PLXNC1: variants seen among roughly 807,000 people sequenced by gnomAD.
The protein encoded by PLXNC1 is plexin C1.
Under a neutral mutation model 178.2 loss-of-function variants are expected in PLXNC1, and 75 were observed. The observed-to-expected ratio is 0.42, with a 90% CI of 0.35 to 0.51. The LOEUF (loss-of-function observed/expected upper bound fraction) is 0.51. PLXNC1 is among the 20% of genes least tolerant of loss of function. The pLI, the probability that PLXNC1 is intolerant of heterozygous loss-of-function variation, is 0.02. For missense variants in PLXNC1, 1,503 were observed against 1,984.4 expected (o/e 0.76, Z 4.61); for synonymous variants, 790 against 779.9 (o/e 1.01, Z -0.22).
Position 94,282,339 on chromosome 12 carries a change from G to A in PLXNC1, c.3817G>A (p.Asp1273Asn), listed in dbSNP as rs940056690. 3.7e-6 allele frequency: 6 copies of A among 1,613,880 alleles called. No homozygotes were observed. The highest frequency in any genetic ancestry group is 2.7e-5 in the African/African-American group (2 of 74,904). Reference sequence around the variant, plus strand: ...ACGACAGAAAGAACTTCTGGACATCGACAGTTCCTCCGTGATTCTTGAAGA... The same window carrying A: ...ACGACAGAAAGAACTTCTGGACATCAACAGTTCCTCCGTGATTCTTGAAGA... ...GTRQKELLDIDSSSVILEDGI... is the reference protein window; with the variant it reads ...GTRQKELLDINSSSVILEDGI... The change falls in exon 23 of 31, where the codon GAC (aspartate) becomes AAC (asparagine). Residue 1273 changes from aspartate (D) to asparagine (N), a missense_variant. By Grantham distance (23) the Asp-to-Asn change is conservative. This residue lies in a region of PLXNC1 where 639 missense variants were observed against 979.7 expected (regional missense o/e 0.65). Transcript: ENST00000258526.
chr12:94,285,734 G>C (rs1035281365), intron 23 of PLXNC1, among the ~76,000 whole-genome samples: 1 of 152,146 alleles, frequency 6.6e-6, no homozygotes, highest in Admixed American at 6.5e-5. Flanking sequence ...GCTTATCATG[G>C]CATCAGTTCA....
chr12:94,241,722 C>G (rs1401841731), intron 11 of PLXNC1, among the ~76,000 whole-genome samples: 2 of 152,110 alleles, frequency 1.3e-5, no homozygotes, highest in Non-Finnish European at 2.9e-5. Context: ...GAATAATACT[C>G]CATTGTGTAT....
chr12:94,154,175 T>A (rs968328228), intron 1 of PLXNC1, among the ~76,000 whole-genome samples: 2 of 152,250 alleles, frequency 1.3e-5, no homozygotes, highest in African/African-American at 4.8e-5. Flanking sequence ...TTATTTTCTG[T>A]TGATTCTCAT....
chr12:94,181,412 A>T, intron 2 of PLXNC1, 34 bp from the exon 3 acceptor site: 92 of 1,218,872 alleles, frequency 7.5e-5, no homozygotes, highest in Non-Finnish European at 9.8e-5. Flanking sequence ...TATTAAATAG[A>T]AATCATGTTT....
intron 21 of PLXNC1, chr12:94,277,218 G>C (rs1355710491): frequency 6.6e-6 from 1 of 152,148 alleles, no homozygotes; most frequent in African/African-American, 2.4e-5. Flanking sequence ...AAAGGGCAGG[G>C]CAGCTCTCTG....
intron 5 of PLXNC1, among the ~76,000 whole-genome samples, chr12:94,214,194 C>T (rs960059437): frequency 6.6e-6 from 1 of 151,808 alleles, no homozygotes; most frequent in Non-Finnish European, 1.5e-5. Flanking sequence ...AAAGGATCCT[C>T]CCACCTCAGC....
chr12:94,169,829 A>C (rs1961773369), intron 2 of PLXNC1, among the ~76,000 whole-genome samples: 1 of 151,722 alleles, frequency 6.6e-6, no homozygotes, highest in Non-Finnish European at 1.5e-5. Flanking sequence ...ATCCTTTGAG[A>C]CTCCTCTTGA....
At chr12:94,280,045 G>A (rs928084097) in intron 22 of PLXNC1, 7 of 350,898 alleles carry the variant, frequency 2.0e-5, no homozygotes, top group Non-Finnish European at 2.8e-5. Context: ...GATACTGAGC[G>A]TGTCATTACT....
chr12:94,181,379 T>G (rs1363866579), intron 2 of PLXNC1, 67 bp from the exon 3 acceptor site: 3 of 1,064,748 alleles, frequency 2.8e-6, no homozygotes, highest in South Asian at 1.5e-5. Flanking sequence ...AGAGCGAGAT[T>G]CCGTCTCAAA....
intron 2 of PLXNC1, among the ~76,000 whole-genome samples, chr12:94,179,116 G>A (rs1204873060): frequency 1.3e-5 from 2 of 152,222 alleles, no homozygotes; most frequent in Non-Finnish European, 2.9e-5. Flanking sequence ...AGAAGTGAAT[G>A]CGGGAAGTTG....
intron 9 of PLXNC1, among the ~76,000 whole-genome samples, chr12:94,235,169 C>T (rs1964207951): frequency 6.6e-6 from 1 of 152,052 alleles, no homozygotes; most frequent in African/African-American, 2.4e-5. Context: ...TGGATTCCAT[C>T]CTAGATGGCC....
intron 4 of PLXNC1, among the ~76,000 whole-genome samples, chr12:94,189,736 G>A (rs1195989570): frequency 1.3e-5 from 2 of 152,096 alleles, no homozygotes; most frequent in South Asian, 4.1e-4. Flanking sequence ...ATTGGACTGT[G>A]GGGGCTTGAT....
intron 3 of PLXNC1, among the ~76,000 whole-genome samples, chr12:94,184,433 AT>A (rs994701062): frequency 4.0e-5 from 5 of 126,288 alleles, no homozygotes; most frequent in Non-Finnish European, 6.7e-5. Context: ...GCCCTCTCTC[AT>A]TTTTTTTTGA....
At chr12:94,300,531 A>C (rs1015631839) in intron 27 of PLXNC1, among the ~76,000 whole-genome samples, 1 of 152,198 alleles carries the variant, frequency 6.6e-6, no homozygotes, top group Non-Finnish European at 1.5e-5. Context: ...GGAGAGCCTC[A>C]GAGGGTTGGA....
At chr12:94,246,916 G>C (rs1039717801) in intron 12 of PLXNC1, among the ~76,000 whole-genome samples, 1 of 152,054 alleles carries the variant, frequency 6.6e-6, no homozygotes, top group Non-Finnish European at 1.5e-5. Flanking sequence ...GGGAAAAATA[G>C]TTTTTCCCAC....
intron 7 of PLXNC1, among the ~76,000 whole-genome samples, chr12:94,226,335 A>G (rs1003713419): frequency 6.6e-6 from 1 of 152,086 alleles, no homozygotes; most frequent in Admixed American, 6.6e-5. Context: ...CTGGATTCAG[A>G]AACAGATTCA....
rs186429860 is a variant in PLXNC1 at position 94,305,144 on chromosome 12, C to T, written c.4603-37C>T. The T allele has an allele frequency of 5.8e-6, 8 of 1,388,424 alleles. No homozygotes were observed. In the East Asian group the frequency reaches 1.2e-4, roughly 21 times the overall value. 86.0% of individuals were successfully genotyped at this position (1,388,424 alleles called of 1,614,324 possible). On this transcript the variant is annotated intron_variant, in intron 30 of 30. Transcript: ENST00000258526. ...AAAAAACAGAATTGTAACGCTAAAACCACAATATCTAAAATAACTGTTCTA... is the reference window on the plus strand; with the variant it reads ...AAAAAACAGAATTGTAACGCTAAAATCACAATATCTAAAATAACTGTTCTA...
At chr12:94,231,972 C>T (rs528402149) in intron 9 of PLXNC1, among the ~76,000 whole-genome samples, 1 of 152,128 alleles carries the variant, frequency 6.6e-6, no homozygotes, top group South Asian at 2.1e-4. Flanking sequence ...TTGTTATTAC[C>T]CTCAATATGC....
chr12:94,301,149 CT>C (rs1442801968), intron 28 of PLXNC1, 92 bp downstream of exon 28: 115 of 1,044,632 alleles, frequency 1.1e-4, no homozygotes, highest in Admixed American at 3.2e-4. Flanking sequence ...AACAATTGGT[CT>C]AAACTACACC....
Sources: gnomAD v4.1 joint callset for allele counts (sites outside exome capture counted in the v4.1 genomes callset) on GRCh38, gnomAD v4.1.1 for gene constraint, gnomAD v4.1.1 regional missense constraint, MANE v1.5 for transcripts, NCBI Gene and HGNC (gene_info 2026-07-23, HGNC 2026-07-21) for gene names.